The following FAM78B variants were observed in gnomAD, a reference collection of about 807,000 sequenced individuals.
FAM78B encodes protein FAM78B.
Under a neutral mutation model 20.0 loss-of-function variants are expected in FAM78B, and 10 were observed. The ratio of observed to expected loss-of-function variants is 0.50; its 90% CI spans 0.31 to 0.85. The LOEUF is 0.85. FAM78B is among the 40% of genes least tolerant of loss of function. FAM78B has a pLI of 0.05. For missense variants in FAM78B, 283 were observed against 345.0 expected (o/e 0.82, Z 1.42); for synonymous variants, 135 against 132.8 (o/e 1.02, Z -0.12).
intron 1 of FAM78B, among the ~76,000 whole-genome samples, chr1:166,163,532 T>C (rs759985084): frequency 2.0e-5 from 3 of 152,222 alleles, no homozygotes; most frequent in Non-Finnish European, 4.4e-5. Context: ...CCAAACCCTT[T>C]CACCATATTG....
chr1:166,152,885 C>T (rs1655737870), intron 1 of FAM78B, among the ~76,000 whole-genome samples: 1 of 151,948 alleles, frequency 6.6e-6, no homozygotes, highest in Non-Finnish European at 1.5e-5. Flanking sequence ...ACCATGTTGG[C>T]CAGGATGGTC....
At chr1:166,135,688 A>G (rs955910574) in intron 1 of FAM78B, among the ~76,000 whole-genome samples, 28 of 152,222 alleles carry the variant, frequency 1.8e-4, no homozygotes, top group African/African-American at 6.5e-4. Flanking sequence ...ACTAGAGAGA[A>G]TTCCAAATGG....
At chr1:166,070,898 A>G (rs1030627197) in intron 1 of FAM78B, 135 bp from the exon 2 acceptor site, 5 of 865,154 alleles carry the variant, frequency 5.8e-6, no homozygotes, top group Non-Finnish European at 8.5e-6. Context: ...TCAGGGCAAA[A>G]AGTTCTATGC....
chr1:166,093,636 A>AACTC (rs1174334544), intron 1 of FAM78B, among the ~76,000 whole-genome samples: 2 of 152,226 alleles, frequency 1.3e-5, no homozygotes, highest in Non-Finnish European at 2.9e-5. Flanking sequence ...ATTGAGGACA[A>AACTC]ACTCATGAGA....
intron 1 of FAM78B, among the ~76,000 whole-genome samples, chr1:166,135,411 C>T (rs1351490691): frequency 6.6e-6 from 1 of 152,212 alleles, no homozygotes; most frequent in Non-Finnish European, 1.5e-5. Context: ...TGGGAGATGG[C>T]ATAGCAGGAA....
downstream of FAM78B, among the ~76,000 whole-genome samples, chr1:166,056,688 C>A (rs960779273): frequency 6.6e-6 from 1 of 152,116 alleles, no homozygotes; most frequent in African/African-American, 2.4e-5. Context: ...TTAGCAAAAG[C>A]AAAGCAGAAT....
intron 1 of FAM78B, among the ~76,000 whole-genome samples, chr1:166,134,381 T>C (rs1473404376): frequency 6.6e-6 from 1 of 152,172 alleles, no homozygotes; most frequent in Non-Finnish European, 1.5e-5. Context: ...GTCAAGCAAC[T>C]AGCTAGTGGC....
At chr1:166,154,882 C>T in intron 1 of FAM78B, 2 of 469,870 alleles carry the variant, frequency 4.3e-6, no homozygotes. Context: ...ACCATCCTAA[C>T]ACCCTGTAAG....
In FAM78B at chr1:166,070,718, G is replaced by A. The variant is rs1224590076; in HGVS notation, c.309C>T (p.Ala103=). The A allele has an allele frequency of 6.2e-7, 1 of 1,602,538 alleles. No homozygotes were observed. The highest frequency in any genetic ancestry group is 1.3e-5 in the African/African-American group (1 of 74,854). Reference sequence around the variant, plus strand: ...AGCTCACCCCATCTGAGTCACTGATGGCTTTTACTCTCCCTTCCCTCAAGT... The same window carrying A: ...AGCTCACCCCATCTGAGTCACTGATAGCTTTTACTCTCCCTTCCCTCAAGT... The part of the protein sequence containing the change: ...LPDLREGRVK[A]ISDSDGVSYP... Residue 103 remains alanine, a synonymous_variant, in exon 2 of 2, where the codon GCC becomes GCT. Coordinates refer to ENST00000354422, the MANE Select transcript of FAM78B (RefSeq NM_001017961.5).
At chr1:166,116,159 G>A (rs182948099) in intron 1 of FAM78B, among the ~76,000 whole-genome samples, 3 of 152,326 alleles carry the variant, frequency 2.0e-5, no homozygotes, top group East Asian at 1.9e-4. Context: ...GTGGCTCTTG[G>A]TGGGGCTGCT....
At chr1:166,091,800 T>C (rs887937176) in intron 1 of FAM78B, among the ~76,000 whole-genome samples, 2 of 152,190 alleles carry the variant, frequency 1.3e-5, no homozygotes, top group Non-Finnish European at 2.9e-5. Flanking sequence ...ATCTTCACAA[T>C]AATGCTATGA....
At chr1:166,072,474 TG>T (rs34392184) in intron 1 of FAM78B, among the ~76,000 whole-genome samples, 6 of 152,172 alleles carry the variant, frequency 3.9e-5, no homozygotes, top group Non-Finnish European at 7.4e-5. Context: ...CTTTTGCAGC[TG>T]GGGGGTAGTA....
At chr1:166,071,551 T>C (rs1236717084) in intron 1 of FAM78B, among the ~76,000 whole-genome samples, 2 of 152,248 alleles carry the variant, frequency 1.3e-5, no homozygotes, top group Non-Finnish European at 2.9e-5. Flanking sequence ...CCAATGTCTC[T>C]ACCCCCTGCT....
downstream of FAM78B, among the ~76,000 whole-genome samples, chr1:166,068,461 T>A (rs1651885085): frequency 6.6e-6 from 1 of 152,260 alleles, no homozygotes; most frequent in Admixed American, 6.5e-5. Context: ...AGTTGATGGT[T>A]GGGGTGTGAA....
chr1:166,101,974 C>A (rs1355152099), intron 1 of FAM78B, among the ~76,000 whole-genome samples: 3 of 152,242 alleles, frequency 2.0e-5, no homozygotes, highest in Non-Finnish European at 2.9e-5. Context: ...GTCAGGTTAC[C>A]CACAGAGGGA....
intron 1 of FAM78B, among the ~76,000 whole-genome samples, chr1:166,097,937 G>T (rs1261278070): frequency 1.3e-5 from 2 of 152,192 alleles, no homozygotes; most frequent in Admixed American, 1.3e-4. Flanking sequence ...CACAAAAATA[G>T]AGAATTAAAC....
At chr1:166,085,702 G>A (rs1652800796) in intron 1 of FAM78B, among the ~76,000 whole-genome samples, 1 of 152,208 alleles carries the variant, frequency 6.6e-6, no homozygotes, top group Admixed American at 6.5e-5. Flanking sequence ...AGGCCTCAGT[G>A]ACCCCATGAC....
At position 166,078,031 on chromosome 1, in the gene FAM78B, ATATATC is replaced by A. The variant is rs1652401068; in HGVS notation, c.264-7274_264-7269del. Among the ~76,000 whole-genome samples the A allele has an allele frequency of 3.7e-5, 5 of 136,308 alleles. No individual in the cohort carries two copies. In the South Asian group the frequency reaches 8.9e-4, roughly 24 times the overall value. 89.4% of individuals were successfully genotyped at this position (136,308 alleles called of 152,430 possible). On this transcript the variant is annotated intron_variant, in intron 1 of 1. Transcript: ENST00000354422. ...ATAATAAATATATATACAAAATAAA[ATATATC>A]TATATATATTTTTGAGATGGAGTCT...
At chr1:166,143,890 G>A (rs539020270) in intron 1 of FAM78B, among the ~76,000 whole-genome samples, 1 of 152,280 alleles carries the variant, frequency 6.6e-6, no homozygotes, top group Admixed American at 6.5e-5. Context: ...CAAACCCTAT[G>A]AACCACAGTG....
Sources: gnomAD v4.1 joint callset for allele counts (sites outside exome capture counted in the v4.1 genomes callset) on GRCh38, gnomAD v4.1.1 for gene constraint, MANE v1.5 for transcripts, NCBI Gene and HGNC (gene_info 2026-07-23, HGNC 2026-07-21) for gene names.